Variants in IPO8 observed in about 807,000 individuals in gnomAD.
IPO8 encodes the protein importin-8.
In IPO8, 65 loss-of-function variants were observed where a neutral mutation model predicts 141.2. The observed-to-expected ratio is 0.46, with a 90% CI of 0.38 to 0.57. The LOEUF (loss-of-function observed/expected upper bound fraction) is 0.57. IPO8 is among the 20% of genes least tolerant of loss of function. The pLI is 0.00. For synonymous variants in IPO8, 411 were observed against 420.3 expected, an observed-to-expected ratio of 0.98 and a Z score of 0.27; for missense variants, 980 against 1,246.8, an observed-to-expected ratio of 0.79 and a Z score of 3.22.
At chr12:30,682,301 T>A (rs1465576248) in intron 3 of IPO8, among the ~76,000 whole-genome samples, 1 of 152,126 alleles carries the variant, frequency 6.6e-6, no homozygotes, top group Non-Finnish European at 1.5e-5. Flanking sequence ...ACTCATCCAT[T>A]ATCAATTAAA....
intron 21 of IPO8, among the ~76,000 whole-genome samples, chr12:30,638,932 A>G (rs1214563371): frequency 1.3e-5 from 2 of 151,890 alleles, no homozygotes; most frequent in South Asian, 2.1e-4. Flanking sequence ...CGGCCTCCCA[A>G]AGTGCTGGGA....
In IPO8 at chr12:30,656,758, T is replaced by A. The variant is rs774664718; in HGVS notation, c.1882-8A>T. ...CTCTAACTGCTGGGTAATCTAAAGA[T>A]AAATGTTAAATATTAAGCTTAAAAT... On this transcript the variant is annotated splice_polypyrimidine_tract_variant and splice_region_variant and intron_variant, in intron 16 of 24. Coordinates refer to ENST00000256079, the MANE Select transcript of IPO8 (RefSeq NM_006390.4). 5.2e-6 allele frequency: 7 copies of A among 1,354,402 alleles called. No individual in the cohort carries two copies. Among genetic ancestry groups the A allele is most frequent in the Non-Finnish European group, 7.2e-6 (7 of 978,486 alleles). 83.9% of individuals were successfully genotyped at this position (1,354,402 alleles called of 1,614,324 possible).
At position 30,674,736 on chromosome 12, in the gene IPO8, A is replaced by G; in HGVS notation, c.747T>C (p.Asp249=). ...RTVPPETLHI[D]EDDRPELVWW... ...ATACCAGTTCTGGTCTATCATCCTC[A>G]TCAATGTGCAGAGTCTCCTAACAGG... Residue 249 remains aspartate (D), a synonymous_variant, in exon 7 of 25, where the codon GAT becomes GAC. Transcript: ENST00000256079. The G allele has an allele frequency of 6.2e-7, 1 of 1,612,476 alleles. No homozygotes were observed. The highest frequency in any genetic ancestry group is 8.5e-7 in the Non-Finnish European group (1 of 1,178,570).
intron 16 of IPO8, among the ~76,000 whole-genome samples, chr12:30,659,786 C>T (rs1363626864): frequency 1.4e-5 from 2 of 146,060 alleles, no homozygotes; most frequent in East Asian, 2.1e-4. Flanking sequence ...ATCCAGGAGA[C>T]GGAGCTTGCA....
chr12:30,695,512 C>A lies in IPO8; in HGVS notation c.84+52G>T. ...GCCGGGGAGAGGGAGCCCGGCCAGC[C>A]GGCAGGGGCGCCCCTTCGGCGGAAG... On this transcript the variant is annotated intron_variant, in intron 1 of 24. Transcript: ENST00000256079. The surrounding 1 kb of genome is among the most constrained non-coding windows in gnomAD (Gnocchi z 4.2). 6.5e-7 allele frequency: 1 copy of A among 1,537,558 alleles called. No homozygotes were observed.
At chr12:30,656,499 A>AT (rs1244810739) in intron 17 of IPO8, among the ~76,000 whole-genome samples, 185 bp downstream of exon 17, 1 of 152,188 alleles carries the variant, frequency 6.6e-6, no homozygotes, top group Non-Finnish European at 1.5e-5. Context: ...TGGATGTATA[A>AT]TTTTTTATCT....
chr12:30,639,008 C>T (rs1190888391), intron 21 of IPO8, among the ~76,000 whole-genome samples: 1 of 152,138 alleles, frequency 6.6e-6, no homozygotes, highest in Non-Finnish European at 1.5e-5. Flanking sequence ...AAGAGTGCTT[C>T]ACATAAAACC....
rs1466694085 is a variant in IPO8 at position 30,666,187 on chromosome 12, C to A, written c.1209G>T (p.Lys403Asn). 5.1e-6 allele frequency: 8 copies of A among 1,572,386 alleles called. No homozygotes were observed. The highest frequency in any genetic ancestry group is 6.0e-6 in the Non-Finnish European group (7 of 1,162,710). ...AAAAATGAAATACCTCTTTTCTTTTCTTTGCAGCAGTATATAAGAGAGTCT... is the reference window on the plus strand; with the variant it reads ...AAAAATGAAATACCTCTTTTCTTTTATTTGCAGCAGTATATAAGAGAGTCT... ...AAQTLLYTAA[K>N]KRKEVLPKMM... Residue 403 changes from lysine to asparagine, a missense_variant, in exon 11 of 25, where the codon AAG (lysine) becomes AAT (asparagine). Physicochemically the swap from Lys to Asn is moderately conservative, Grantham distance 94. Transcript: ENST00000256079.
In IPO8 at chr12:30,630,277, C is replaced by T. The variant is rs2052411837; in HGVS notation, c.*583G>A. 1 of 152,090 alleles carries T rather than the reference C, an allele frequency of 6.6e-6. No individual in the cohort carries two copies. The highest frequency in any genetic ancestry group is 2.4e-5 in the African/African-American group (1 of 41,392). The allele number at this position is 152,090 out of a possible 1,614,324, so 9.4% of individuals were successfully genotyped here. A position where few individuals can be genotyped will look rare whatever the true frequency, so the allele number is the denominator to read the frequency against. ...GCCAGTGCATATTTTATAATACAAC[C>T]CCTGAAAAAAGCCCCCCAGCAGCAG... On this transcript the variant is annotated 3_prime_UTR_variant, in exon 25 of 25. Coordinates refer to ENST00000256079, the MANE Select transcript of IPO8 (RefSeq NM_006390.4).
intron 24 of IPO8, 79 bp from the exon 25 acceptor site, chr12:30,631,036 G>C: frequency 1.0e-6 from 1 of 994,304 alleles, no homozygotes; most frequent in African/African-American, 1.6e-5. Flanking sequence ...ACTCAAAGGA[G>C]CCAGATTCTT....
At chr12:30,654,833 G>A (rs2052776996) in intron 17 of IPO8, among the ~76,000 whole-genome samples, 1 of 152,032 alleles carries the variant, frequency 6.6e-6, no homozygotes, top group African/African-American at 2.4e-5. Flanking sequence ...ATATGATCAA[G>A]TCATCCTAGT....
rs2053219769 is a variant in IPO8, at chr12:30,684,426, T to C, written c.198A>G (p.Gln66=). The change falls in exon 3 of 25, where the codon CAA becomes CAG. Residue 66 remains glutamine, a synonymous_variant. Transcript: ENST00000256079. ...AAIYLKNMVT[Q]YWPDREPPPG... Reference sequence around the variant, plus strand: ...GTGGAGGTTCTCGATCTGGCCAGTATTGTGTCACCATGTTCTTCAGGTAAA... The same window carrying C: ...GTGGAGGTTCTCGATCTGGCCAGTACTGTGTCACCATGTTCTTCAGGTAAA... 1.2e-6 allele frequency: 2 copies of C among 1,613,984 alleles called. No individual in the cohort carries two copies. The highest frequency in any genetic ancestry group is 2.7e-5 in the African/African-American group (2 of 74,924).
intron 20 of IPO8, among the ~76,000 whole-genome samples, chr12:30,644,932 C>CTTA (rs2052624351): frequency 6.6e-6 from 1 of 151,372 alleles, no homozygotes; most frequent in African/African-American, 2.4e-5. Context: ...GGATTACAGG[C>CTTA]GTAAGCCACT....
chr12:30,643,549 GC>G (rs1302730005), intron 20 of IPO8, among the ~76,000 whole-genome samples: 1 of 152,186 alleles, frequency 6.6e-6, no homozygotes, highest in Non-Finnish European at 1.5e-5. Flanking sequence ...GGGAGGTGGG[GC>G]CTAGTGGGAA....
chr12:30,631,627 C>G (rs1249943692), intron 24 of IPO8: 2 of 283,544 alleles, frequency 7.1e-6, no homozygotes, highest in Non-Finnish European at 1.3e-5. Flanking sequence ...TATCCCAACC[C>G]TTACTTTGTA....
chr12:30,641,881 G>C (rs1429131028), intron 20 of IPO8, among the ~76,000 whole-genome samples: 1 of 152,062 alleles, frequency 6.6e-6, no homozygotes, highest in Non-Finnish European at 1.5e-5. Flanking sequence ...AAAGAATGTA[G>C]TCATGAATCT....
At chr12:30,658,452 T>A (rs1362419906) in intron 16 of IPO8, among the ~76,000 whole-genome samples, 1 of 152,198 alleles carries the variant, frequency 6.6e-6, no homozygotes, top group Non-Finnish European at 1.5e-5. Flanking sequence ...TAGGTAAGGA[T>A]GCTATATTAG....
intron 12 of IPO8, 44 bp from the exon 13 acceptor site, chr12:30,665,353 G>C: frequency 9.2e-7 from 1 of 1,088,600 alleles, no homozygotes; most frequent in Non-Finnish European, 1.4e-6. Flanking sequence ...TTTTTCATAC[G>C]TAAGAATCAC....
rs1474723591 is a variant in IPO8 at position 30,669,400 on chromosome 12, T to C, written c.1045-118A>G. 13 of 503,678 alleles carry C rather than the reference T, an allele frequency of 2.6e-5. No individual in the cohort carries two copies. In the Admixed American group the frequency reaches 3.6e-4, roughly 14 times the overall value. The allele number at this position is 503,678 out of a possible 1,614,324, so 31.2% of individuals were successfully genotyped here. ...ATGTTAGTTTTCCAAACTCTGTGTG[T>C]GTGTAAAATGTCAAGTCGAGGTTAT... On this transcript the variant is annotated intron_variant, in intron 9 of 24. Coordinates refer to ENST00000256079, the MANE Select transcript of IPO8 (RefSeq NM_006390.4).
Sources: gnomAD v4.1 joint callset for allele counts (sites outside exome capture counted in the v4.1 genomes callset) on GRCh38, gnomAD v4.1.1 for gene constraint, Gnocchi (gnomAD v3.1) non-coding constraint, MANE v1.5 for transcripts, NCBI Gene and HGNC (gene_info 2026-07-23, HGNC 2026-07-21) for gene names.